DAB2IP: variants seen among roughly 807,000 people sequenced by gnomAD.
DAB2IP encodes the protein disabled homolog 2-interacting protein.
In DAB2IP, 28 loss-of-function variants were observed where a neutral mutation model predicts 107.2. The observed-to-expected ratio is 0.26, with a 90% CI of 0.19 to 0.36. The LOEUF is 0.36. Ranked by LOEUF, DAB2IP falls within the 10% of genes least tolerant of loss-of-function variation. DAB2IP has a pLI of 1.00. For missense variants in DAB2IP, 1,400 were observed against 1,644.7 expected, an observed-to-expected ratio of 0.85 and a Z score of 2.57; for synonymous variants, 755 against 706.4, an observed-to-expected ratio of 1.07 and a Z score of -1.09.
intron 3 of DAB2IP, among the ~76,000 whole-genome samples, chr9:121,740,213 C>G (rs767843176): frequency 6.6e-6 from 1 of 152,180 alleles, no homozygotes; most frequent in Non-Finnish European, 1.5e-5. Context: ...CAGCAGCTGA[C>G]CCAGTGGATC....
intron 1 of DAB2IP, among the ~76,000 whole-genome samples, chr9:121,600,231 A>C (rs1422798905): frequency 6.6e-6 from 1 of 152,038 alleles, no homozygotes; most frequent in Non-Finnish European, 1.5e-5. Flanking sequence ...CTTTATCCAG[A>C]GCCAGGCACC....
chr9:121,734,346 C>T (rs548321453), intron 3 of DAB2IP, among the ~76,000 whole-genome samples: 1 of 139,298 alleles, frequency 7.2e-6, no homozygotes, highest in East Asian at 2.0e-4. Context: ...CATTGCAGTC[C>T]GCAGTCCGGC....
At chr9:121,713,873 C>T (rs891131938) in intron 3 of DAB2IP, among the ~76,000 whole-genome samples, 6 of 152,218 alleles carry the variant, frequency 3.9e-5, no homozygotes, top group African/African-American at 1.2e-4. Flanking sequence ...CGGGGGCTCT[C>T]TGATGAACAG....
intron 2 of DAB2IP, among the ~76,000 whole-genome samples, chr9:121,682,482 G>A (rs1828648512): frequency 6.6e-6 from 1 of 152,220 alleles, no homozygotes; most frequent in Non-Finnish European, 1.5e-5. Flanking sequence ...TCACCACCCA[G>A]CTGACAGCAG....
At chr9:121,672,323 TTTAAGTA>T (rs1364575179) in intron 1 of DAB2IP, among the ~76,000 whole-genome samples, 1 of 152,164 alleles carries the variant, frequency 6.6e-6, no homozygotes, top group Non-Finnish European at 1.5e-5. Flanking sequence ...TCTACCTGCC[TTTAAGTA>T]TTAAGATCTG....
chr9:121,777,512 A>G (rs1380332442), intron 14 of DAB2IP, among the ~76,000 whole-genome samples: 2 of 152,196 alleles, frequency 1.3e-5, no homozygotes, highest in Non-Finnish European at 2.9e-5. Context: ...CCTTCTCTAC[A>G]TTGTGTGTAT....
chr9:121,659,607 C>A (rs1833114876), intron 1 of DAB2IP, among the ~76,000 whole-genome samples: 2 of 152,076 alleles, frequency 1.3e-5, no homozygotes, highest in Non-Finnish European at 2.9e-5. Flanking sequence ...TCCTGGCTAA[C>A]ACGGTGAAAC....
intron 9 of DAB2IP, among the ~76,000 whole-genome samples, chr9:121,767,663 GCCTTCCT>G (rs2118994967): frequency 6.6e-6 from 1 of 152,332 alleles, no homozygotes; most frequent in South Asian, 2.1e-4. Context: ...GGAGAGGATG[GCCTTCCT>G]CTGTTCTGGA....
chr9:121,583,250 G>A (rs867272291), intron 1 of DAB2IP, among the ~76,000 whole-genome samples: 3 of 152,182 alleles, frequency 2.0e-5, no homozygotes, highest in Non-Finnish European at 1.5e-5. Context: ...TTAGTCGAGC[G>A]TGGTGGCAGG....
chr9:121,747,593 T>C (rs1397008651), intron 3 of DAB2IP, among the ~76,000 whole-genome samples: 1 of 152,064 alleles, frequency 6.6e-6, no homozygotes, highest in East Asian at 1.9e-4. Flanking sequence ...ATGATCCACC[T>C]GCCTCGGCCT....
intron 3 of DAB2IP, among the ~76,000 whole-genome samples, chr9:121,713,487 C>T (rs1029615055): frequency 2.0e-5 from 3 of 152,220 alleles, no homozygotes; most frequent in Non-Finnish European, 2.9e-5. Context: ...CCATTCCCGA[C>T]TCTCACCCTT....
rs1052868542 is a variant in DAB2IP, at chr9:121,612,612, G to A, written c.40+45384G>A. Among the ~76,000 whole-genome samples, 10 of 152,298 alleles carry A rather than the reference G, an allele frequency of 6.6e-5. No homozygotes were observed. In the East Asian group the frequency reaches 1.9e-3, roughly 29 times the overall value. On this transcript the variant is annotated intron_variant, in intron 1 of 16. Transcript: ENST00000259371. The stretch of plus-strand genomic sequence containing the variant: ...GTGGGGCAGGGCGGAACTCCAACAA[G>A]TCTCAGCTGCTGCTCCTCCCTCTCT...
chr9:121,704,284 A>G (rs557464678), intron 3 of DAB2IP, among the ~76,000 whole-genome samples: 52 of 152,330 alleles, frequency 3.4e-4, no homozygotes, highest in African/African-American at 1.2e-3. Context: ...ACCCCTCCCC[A>G]GTGATTTTTG....
At position 121,758,911 on chromosome 9, in the gene DAB2IP, C is replaced by G. The variant is rs1485061296; in HGVS notation, c.530C>G (p.Ser177Ter). The G allele has an allele frequency of 6.2e-7, 1 of 1,613,430 alleles. No individual in the cohort carries two copies. The highest frequency in any genetic ancestry group is 1.7e-5 in the Admixed American group (1 of 59,950). ...TGCTCCCCACAGGTGACGACGTCATCAGGAAGCAAGTGCTTTTCCTGCCGG... is the reference window on the plus strand; with the variant it reads ...TGCTCCCCACAGGTGACGACGTCATGAGGAAGCAAGTGCTTTTCCTGCCGG... The change falls in exon 5 of 16, where the codon TCA becomes TGA. Residue 177 changes from serine to a stop codon, truncating the protein, a stop_gained. Transcript: ENST00000408936. LOFTEE classifies it high-confidence loss of function.
chr9:121,767,456 G>A (rs1834367215), intron 9 of DAB2IP, among the ~76,000 whole-genome samples: 2 of 152,212 alleles, frequency 1.3e-5, no homozygotes, highest in South Asian at 4.1e-4. Context: ...AGACAGGAAA[G>A]CCTCCAGGGT....
chr9:121,602,607 C>T (rs1564694198), intron 1 of DAB2IP, among the ~76,000 whole-genome samples: 1 of 148,652 alleles, frequency 6.7e-6, no homozygotes, highest in Non-Finnish European at 1.5e-5. Flanking sequence ...ATGGAGTCTC[C>T]CTCTGTCACC....
At chr9:121,716,056 G>A (rs1484672502) in intron 3 of DAB2IP, among the ~76,000 whole-genome samples, 1 of 152,238 alleles carries the variant, frequency 6.6e-6, no homozygotes, top group African/African-American at 2.4e-5. Flanking sequence ...CACCCTGGGA[G>A]GGTCAGGGTC....
chr9:121,569,195 C>G (rs1052166797), intron 1 of DAB2IP, among the ~76,000 whole-genome samples: 1 of 152,226 alleles, frequency 6.6e-6, no homozygotes, highest in Non-Finnish European at 1.5e-5. Context: ...AGGAAAACTG[C>G]GGTCTCAGTG....
intron 1 of DAB2IP, among the ~76,000 whole-genome samples, chr9:121,626,510 A>G (rs1831653548): frequency 7.1e-6 from 1 of 140,462 alleles, no homozygotes; most frequent in Non-Finnish European, 1.5e-5. Context: ...TGCAACCTCC[A>G]CCTCCCGGGT....
Sources: allele counts gnomAD v4.1 joint callset (sites outside exome capture counted in the v4.1 genomes callset), GRCh38; gene constraint gnomAD v4.1.1; transcripts MANE v1.5; gene names NCBI Gene and HGNC (gene_info 2026-07-23, HGNC 2026-07-21).